PRUNE1: variants seen among roughly 807,000 people sequenced by gnomAD.
PRUNE1 encodes exopolyphosphatase PRUNE1.
Under a neutral mutation model 42.5 loss-of-function variants are expected in PRUNE1, and 25 were observed. The observed-to-expected ratio is 0.59, with a 90% CI of 0.43 to 0.82. The LOEUF (loss-of-function observed/expected upper bound fraction) is 0.82, where lower values mean the gene tolerates loss of function less well. Ranked by LOEUF, PRUNE1 falls within the 40% of genes least tolerant of loss-of-function variation. The pLI, the probability that PRUNE1 is intolerant of heterozygous loss-of-function variation, is 0.00. For missense variants in PRUNE1, 443 were observed against 539.3 expected, an observed-to-expected ratio of 0.82 and a Z score of 1.77; for synonymous variants, 203 against 217.1, an observed-to-expected ratio of 0.93 and a Z score of 0.57.
chr1:151,013,445 C>A (rs1673906493), intron 1 of PRUNE1, among the ~76,000 whole-genome samples: 1 of 152,212 alleles, frequency 6.6e-6, no homozygotes, highest in Non-Finnish European at 1.5e-5. Context: ...GATGGTTTCT[C>A]CTGACTTCAG....
intron 7 of PRUNE1, among the ~76,000 whole-genome samples, chr1:151,030,160 G>C (rs943738494): frequency 3.3e-5 from 5 of 151,656 alleles, no homozygotes; most frequent in Non-Finnish European, 5.9e-5. Context: ...TACTCAGGAG[G>C]CTGAGGCAGG....
chr1:151,008,667 T>A lies in PRUNE1; in HGVS notation c.35T>A (p.Leu12Gln), dbSNP rs760164044. ...EDYLQGCRAA[L>Q]QESRPLHVVL... ...TACCTGCAGGGTTGTCGAGCTGCTC[T>A]GCAGGTAACGAATCCCTGTCTGTGA... Residue 12 changes from leucine (L) to glutamine (Q), a missense_variant, in exon 1 of 8, where the codon CTG becomes CAG. Physicochemically the swap from Leu to Gln is moderately radical, Grantham distance 113 (BLOSUM62 -2). Transcript: ENST00000271620. The A allele has an allele frequency of 6.2e-7, 1 of 1,614,068 alleles. No homozygotes were observed. Among genetic ancestry groups the A allele is most frequent in the East Asian group, 2.2e-5 (1 of 44,872 alleles).
At chr1:151,032,489 G>T (rs1219890238) in intron 7 of PRUNE1, among the ~76,000 whole-genome samples, 1 of 150,668 alleles carries the variant, frequency 6.6e-6, no homozygotes, top group African/African-American at 2.4e-5. Context: ...AGGCGAGAGC[G>T]GATGACCTGA....
chr1:151,027,105 T>C (rs1262153569), intron 5 of PRUNE1, 128 bp from the exon 6 acceptor site: 1 of 567,304 alleles, frequency 1.8e-6, no homozygotes, highest in African/African-American at 1.9e-5. Context: ...TTTTCAATTA[T>C]CTCCCCCATT....
chr1:151,030,282 G>A (rs6695311), intron 7 of PRUNE1, among the ~76,000 whole-genome samples: 13,458 of 150,556 alleles, frequency 0.089, 773 homozygotes, highest in African/African-American at 0.16. Flanking sequence ...AAAAAAAAAG[G>A]TGGGCTTAAG....
At chr1:151,019,111 T>C (rs1185703705) in intron 3 of PRUNE1, among the ~76,000 whole-genome samples, 1 of 152,184 alleles carries the variant, frequency 6.6e-6, no homozygotes, top group African/African-American at 2.4e-5. Context: ...ATATTAGATA[T>C]AGAAAAACAA....
chr1:151,025,626 G>C lies in PRUNE1; in HGVS notation c.632G>C (p.Arg211Thr). Residue 211 changes from arginine (R) to threonine (T), a missense_variant, in exon 5 of 8, where the codon AGA (arginine) becomes ACA (threonine). Physicochemically the swap from Arg to Thr is moderately conservative, Grantham distance 71. Transcript: ENST00000271620. ...GCCCTTTTCCCAGACCTACCCAAGAGAAATGATATATTTGATTCCCTACAA... is the reference window on the plus strand; with the variant it reads ...GCCCTTTTCCCAGACCTACCCAAGACAAATGATATATTTGATTCCCTACAA... ...LEALFPDLPK[R>T]NDIFDSLQKA... The C allele has an allele frequency of 1.2e-6, 2 of 1,613,932 alleles. No homozygotes were observed. The highest frequency in any genetic ancestry group is 1.7e-6 in the Non-Finnish European group (2 of 1,179,888).
At position 151,017,870 on chromosome 1, in the gene PRUNE1, T is replaced by C; in HGVS notation, c.98T>C (p.Val33Ala). ...GNEACDLDST[V>A]SALALAFYLA... ...GAAGCCTGTGATTTGGACTCCACAG[T>C]GTCTGCTCTTGCCCTGGCTTTTTAC... is the stretch of plus-strand genomic sequence containing the variant. Residue 33 changes from valine (V) to alanine (A), a missense_variant, in exon 2 of 8, where the codon GTG becomes GCG. Coordinates refer to ENST00000271620, the MANE Select transcript of PRUNE1 (RefSeq NM_021222.3). The C allele has an allele frequency of 6.2e-7, 1 of 1,604,516 alleles. No individual in the cohort carries two copies. The highest frequency in any genetic ancestry group is 8.5e-7 in the Non-Finnish European group (1 of 1,171,308).
intron 6 of PRUNE1, 83 bp downstream of exon 6, chr1:151,027,410 G>A (rs1444241776): frequency 3.2e-6 from 3 of 940,926 alleles, no homozygotes; most frequent in Non-Finnish European, 5.0e-6. Context: ...CCTCATTCCT[G>A]GCTCACCTCC....
At chr1:151,023,316 G>A (rs918530381) in intron 3 of PRUNE1, among the ~76,000 whole-genome samples, 10 of 152,184 alleles carry the variant, frequency 6.6e-5, no homozygotes, top group African/African-American at 2.4e-4. Flanking sequence ...TGAGGGCCTA[G>A]AGTGGGGCAG....
intron 1 of PRUNE1, among the ~76,000 whole-genome samples, chr1:151,013,174 G>A (rs1673883615): frequency 6.6e-6 from 1 of 152,192 alleles, no homozygotes; most frequent in African/African-American, 2.4e-5. Context: ...TCAAATAGTA[G>A]TTCTGCATTC....
intron 3 of PRUNE1, 44 bp from the exon 4 acceptor site, chr1:151,024,567 G>A (rs766205407): frequency 7.2e-6 from 11 of 1,537,726 alleles, no homozygotes; most frequent in Admixed American, 1.7e-5. Context: ...TGGAGTGTCC[G>A]TACCTATCTT....
intron 1 of PRUNE1, among the ~76,000 whole-genome samples, chr1:151,013,342 C>T (rs1293093289): frequency 2.0e-5 from 3 of 152,316 alleles, no homozygotes; most frequent in Middle Eastern, 6.8e-3. Context: ...AGATTTGCTA[C>T]AAGTCCCAAA....
Position 151,034,393 on chromosome 1 carries a change from C to A in PRUNE1, c.*159C>A. 1.3e-6 allele frequency: 1 copy of A among 743,398 alleles called. No individual in the cohort carries two copies. Among genetic ancestry groups the A allele is most frequent in the Non-Finnish European group, 2.1e-6 (1 of 469,836 alleles). The allele number at this position is 743,398 out of a possible 1,614,324, so 46.1% of individuals were successfully genotyped here. ...GGAGAAAAAAAGTGAAAGAAAGCAGCTGCTTTAAGAATGGTTTTCCACCTT... is the reference window on the plus strand; with the variant it reads ...GGAGAAAAAAAGTGAAAGAAAGCAGATGCTTTAAGAATGGTTTTCCACCTT... On this transcript the variant is annotated 3_prime_UTR_variant, in exon 8 of 8. Coordinates refer to ENST00000271620, the MANE Select transcript of PRUNE1 (RefSeq NM_021222.3).
Position 151,034,022 on chromosome 1 carries a change from G to A in PRUNE1, c.1150G>A (p.Asp384Asn), listed in dbSNP as rs768388849. 10 of 1,614,070 alleles carry A rather than the reference G, an allele frequency of 6.2e-6. No individual in the cohort carries two copies. In the South Asian group the frequency reaches 1.1e-4, roughly 18 times the overall value. Reference protein sequence around the residue: ...ETADVSREQVDKELDRASNSL... With the variant: ...ETADVSREQVNKELDRASNSL... Reference sequence around the variant, plus strand: ...AGCAGATGTGTCCAGGGAGCAAGTGGACAAGGAATTGGACAGGGCAAGTAA... The same window carrying A: ...AGCAGATGTGTCCAGGGAGCAAGTGAACAAGGAATTGGACAGGGCAAGTAA... The change falls in exon 8 of 8, where the codon GAC (aspartate) becomes AAC (asparagine). Residue 384 changes from aspartate (D) to asparagine (N), a missense_variant. Asp to Asn is a conservative substitution (Grantham distance 23). Coordinates refer to ENST00000271620, the MANE Select transcript of PRUNE1 (RefSeq NM_021222.3).
At chr1:151,013,844 G>A (rs1673930033) in intron 1 of PRUNE1, among the ~76,000 whole-genome samples, 1 of 152,144 alleles carries the variant, frequency 6.6e-6, no homozygotes, top group East Asian at 1.9e-4. Context: ...AGAGGTCTCT[G>A]GTATCAGGAG....
chr1:151,015,417 C>T (rs951559382), intron 1 of PRUNE1, among the ~76,000 whole-genome samples: 3 of 148,112 alleles, frequency 2.0e-5, no homozygotes, highest in Non-Finnish European at 3.0e-5. Context: ...GGGCGGATCA[C>T]GAGGTCAGGA....
chr1:151,031,976 A>G (rs1174654898), intron 7 of PRUNE1, among the ~76,000 whole-genome samples: 1 of 152,166 alleles, frequency 6.6e-6, no homozygotes, highest in African/African-American at 2.4e-5. Context: ...TGGGTATGGT[A>G]GCTCATGCCT....
chr1:151,014,144 T>G (rs1344892065), intron 1 of PRUNE1, among the ~76,000 whole-genome samples: 1 of 152,128 alleles, frequency 6.6e-6, no homozygotes, highest in Non-Finnish European at 1.5e-5. Context: ...CACGCCTGGC[T>G]AATTTTTTGT....
Sources: allele counts gnomAD v4.1 joint callset (sites outside exome capture counted in the v4.1 genomes callset), GRCh38; gene constraint gnomAD v4.1.1; transcripts MANE v1.5; gene names NCBI Gene and HGNC (gene_info 2026-07-23, HGNC 2026-07-21).